Variants in ME3 observed in about 807,000 individuals in gnomAD.
The protein encoded by ME3 is malic enzyme 3.
ME3 carries 48 observed loss-of-function variants against 68.9 expected under a neutral mutation model. That is an observed-to-expected ratio of 0.70 (90% confidence interval 0.55 to 0.89). ME3 has a LOEUF of 0.89. Among genes scored for constraint, ME3 ranks in the 40% least tolerant of loss-of-function variants. ME3 has a pLI of 0.00. For missense variants in ME3, 675 were observed against 797.4 expected (o/e 0.85, Z 1.85); for synonymous variants, 320 against 318.8 (o/e 1.00, Z -0.04).
chr11:86,643,098 C>T (rs1388683762), intron 2 of ME3, among the ~76,000 whole-genome samples: 1 of 152,142 alleles, frequency 6.6e-6, no homozygotes, highest in Non-Finnish European at 1.5e-5. Flanking sequence ...TTAGGCCTCT[C>T]ATGTCTGTGT....
chr11:86,467,691 T>A (rs61904383), intron 7 of ME3, among the ~76,000 whole-genome samples: 21,972 of 136,170 alleles, frequency 0.16, 1,785 homozygotes, highest in African/African-American at 0.23. Flanking sequence ...TCTCTCTCTC[T>A]CTCACACACA....
At chr11:86,451,091 A>C (rs1949608403) in intron 8 of ME3, among the ~76,000 whole-genome samples, 1 of 152,258 alleles carries the variant, frequency 6.6e-6, no homozygotes, top group African/African-American at 2.4e-5. Context: ...GTAAGGTGGC[A>C]GCTTCACAGC....
At chr11:86,467,053 T>G (rs1261241444) in intron 7 of ME3, among the ~76,000 whole-genome samples, 1 of 151,970 alleles carries the variant, frequency 6.6e-6, no homozygotes, top group Non-Finnish European at 1.5e-5. Context: ...AAATACAAAT[T>G]GCATATATTG....
At chr11:86,514,254 C>A (rs11821635) in intron 4 of ME3, among the ~76,000 whole-genome samples, 10,313 of 152,242 alleles carry the variant, frequency 0.068, 425 homozygotes, top group Non-Finnish European at 0.094. Flanking sequence ...TATTAAATCT[C>A]TTTTCTTTAT....
chr11:86,598,308 G>A (rs1043697249), intron 2 of ME3, among the ~76,000 whole-genome samples: 2 of 152,236 alleles, frequency 1.3e-5, no homozygotes, highest in Non-Finnish European at 1.5e-5. Context: ...TCCCGCACCT[G>A]GCTTGGAGGG....
At chr11:86,560,734 G>GTATA (rs1957173032) in intron 2 of ME3, among the ~76,000 whole-genome samples, 1 of 54,104 alleles carries the variant, frequency 1.8e-5, no homozygotes, top group Non-Finnish European at 4.3e-5. Context: ...GTATGTGTGT[G>GTATA]TGTGTGTGTG....
chr11:86,659,348 G>A (rs1460472491), intron 2 of ME3, among the ~76,000 whole-genome samples: 1 of 152,214 alleles, frequency 6.6e-6, no homozygotes, highest in East Asian at 1.9e-4. Context: ...CAGGCAAAGA[G>A]CTACCTTTCA....
intron 2 of ME3, among the ~76,000 whole-genome samples, chr11:86,627,936 A>G (rs1419738848): frequency 6.6e-6 from 1 of 152,208 alleles, no homozygotes; most frequent in African/African-American, 2.4e-5. Context: ...AGATGAAAAT[A>G]TCACCCTTTC....
intron 7 of ME3, among the ~76,000 whole-genome samples, chr11:86,484,562 C>T (rs1322841860): frequency 2.0e-5 from 3 of 152,096 alleles, no homozygotes; most frequent in Admixed American, 2.0e-4. Context: ...GTCTGTAAAA[C>T]TGTGAACTGA....
intron 2 of ME3, among the ~76,000 whole-genome samples, chr11:86,636,784 T>C (rs1944358432): frequency 2.0e-5 from 3 of 152,202 alleles, no homozygotes. Context: ...TGATAAATGA[T>C]TATCTAAAAG....
intron 4 of ME3, among the ~76,000 whole-genome samples, chr11:86,547,613 C>G (rs11234688): frequency 0.13 from 19,563 of 151,832 alleles, 1,228 homozygotes; most frequent in Non-Finnish European, 0.14. Flanking sequence ...ACATGTATCC[C>G]AGAACTTAAA....
At chr11:86,592,219 T>G (rs922491129) in intron 2 of ME3, among the ~76,000 whole-genome samples, 1 of 152,208 alleles carries the variant, frequency 6.6e-6, no homozygotes, top group Non-Finnish European at 1.5e-5. Flanking sequence ...ATTCAATCAC[T>G]TGAACAAGAA....
chr11:86,456,653 G>GAA (rs1382027730), intron 8 of ME3, among the ~76,000 whole-genome samples: 1 of 152,046 alleles, frequency 6.6e-6, no homozygotes, highest in Non-Finnish European at 1.5e-5. Context: ...GGAGCAGGGT[G>GAA]GTAGCAGAGG....
chr11:86,537,078 T>A lies in ME3; in HGVS notation c.467+19475A>T, dbSNP rs1019811112. Among the ~76,000 whole-genome samples, 5 of 149,178 alleles carry A rather than the reference T, an allele frequency of 3.4e-5. No individual in the cohort carries two copies. In the South Asian group the frequency reaches 1.1e-3, roughly 32 times the overall value. On this transcript the variant is annotated intron_variant, in intron 4 of 14. Transcript: ENST00000543262. ...GCATATTCTCACTCATAGGTGGGAA[T>A]TGAACAATGAGATCACATGGACACA... is the stretch of plus-strand genomic sequence containing the variant.
intron 2 of ME3, among the ~76,000 whole-genome samples, chr11:86,655,868 C>G (rs912537464): frequency 1.5e-4 from 23 of 152,042 alleles, no homozygotes; most frequent in Admixed American, 7.9e-4. Flanking sequence ...GGGCTAATAT[C>G]CGGAATCTAC....
chr11:86,516,371 T>G (rs7125970), intron 4 of ME3, among the ~76,000 whole-genome samples: 1,365 of 49,680 alleles, frequency 0.027, 12 homozygotes, highest in Admixed American at 0.029. Context: ...CTCTCTCTCT[T>G]TGTGTGTGTG....
intron 2 of ME3, among the ~76,000 whole-genome samples, chr11:86,600,127 T>G (rs1316554492): frequency 1.3e-5 from 2 of 152,188 alleles, no homozygotes; most frequent in African/African-American, 4.8e-5. Context: ...GTAAATGGAC[T>G]AAATGCTCCA....
chr11:86,534,081 G>GTATATATA (rs57566563), intron 4 of ME3, among the ~76,000 whole-genome samples: 15 of 127,522 alleles, frequency 1.2e-4, no homozygotes, highest in Admixed American at 5.4e-4. Context: ...GTGTGTGTGT[G>GTATATATA]TATATATATA....
intron 2 of ME3, among the ~76,000 whole-genome samples, chr11:86,594,548 A>T (rs1200507469): frequency 6.9e-6 from 1 of 145,496 alleles, no homozygotes; most frequent in Non-Finnish European, 1.5e-5. Flanking sequence ...TAAAAAAATC[A>T]GCCAGGTGTG....
Sources: allele counts gnomAD v4.1 joint callset (sites outside exome capture counted in the v4.1 genomes callset), GRCh38; gene constraint gnomAD v4.1.1; transcripts MANE v1.5; gene names NCBI Gene and HGNC (gene_info 2026-07-23, HGNC 2026-07-21).